BRSK2: variants seen among roughly 807,000 people sequenced by gnomAD.
BRSK2 encodes the protein serine/threonine-protein kinase BRSK2.
A neutral mutation model predicts 83.3 loss-of-function variants in BRSK2; 19 were observed. That is an observed-to-expected ratio of 0.23 (90% CI 0.16 to 0.33). BRSK2 has a LOEUF of 0.33. Ranked by LOEUF, BRSK2 falls within the 10% of genes least tolerant of loss-of-function variation. The pLI is 1.00. For synonymous variants in BRSK2, 519 were observed against 435.4 expected (o/e 1.19, Z -2.39); for missense variants, 798 against 1,042.3 (o/e 0.77, Z 3.23).
At chr11:1,391,928 CG>C (rs1405965884) in intron 1 of BRSK2, among the ~76,000 whole-genome samples, 5 of 152,046 alleles carry the variant, frequency 3.3e-5, no homozygotes, top group Non-Finnish European at 2.9e-5. Flanking sequence ...CAGTTAATTA[CG>C]GGAGGTTTCC....
intron 14 of BRSK2, 83 bp downstream of exon 14, chr11:1,450,877 G>C: frequency 3.0e-6 from 4 of 1,347,282 alleles, no homozygotes; most frequent in Non-Finnish European, 4.0e-6. Context: ...GGCAGTGCCA[G>C]ACCAGTCCGA....
chr11:1,424,829 G>A (rs1849019165), intron 1 of BRSK2, among the ~76,000 whole-genome samples: 1 of 150,622 alleles, frequency 6.6e-6, no homozygotes, highest in African/African-American at 2.4e-5. Context: ...TGGCGGGGGG[G>A]CAGGTTGCGG....
At chr11:1,392,437 G>T (rs12363925) in intron 1 of BRSK2, among the ~76,000 whole-genome samples, 9 of 152,230 alleles carry the variant, frequency 5.9e-5, no homozygotes, top group Non-Finnish European at 1.2e-4. Context: ...CGTGTCTGTG[G>T]CTGGCAGCTT....
At chr11:1,398,194 G>C (rs1423272091) in intron 1 of BRSK2, among the ~76,000 whole-genome samples, 1 of 152,206 alleles carries the variant, frequency 6.6e-6, no homozygotes, top group Non-Finnish European at 1.5e-5. Context: ...ATAGGGGCTG[G>C]GGGGCAGTGC....
chr11:1,390,293 G>A lies in BRSK2; in HGVS notation c.9G>A (p.Ser3=), dbSNP rs1444023684. The A allele has an allele frequency of 9.7e-7, 1 of 1,031,346 alleles. No individual in the cohort carries two copies. The highest frequency in any genetic ancestry group is 1.2e-6 in the Non-Finnish European group (1 of 850,908). The allele number at this position is 1,031,346 out of a possible 1,614,324, so 63.9% of individuals were successfully genotyped here. MT[S]TGKDGGAQHA... ...CGCCGGGCCCCAGAGCGATGACATC[G>A]ACGGGGAAGGACGGCGGCGCGCAGC... Residue 3 remains serine, a synonymous_variant, in exon 1 of 20, where the codon TCG becomes TCA. Coordinates refer to ENST00000528841, the MANE Select transcript of BRSK2 (RefSeq NM_001256627.2). The surrounding 1 kb of genome is among the most constrained non-coding windows in gnomAD (Gnocchi z 6.8).
chr11:1,395,203 A>G (rs1436708196), intron 1 of BRSK2, among the ~76,000 whole-genome samples: 1 of 152,078 alleles, frequency 6.6e-6, no homozygotes, highest in Non-Finnish European at 1.5e-5. Context: ...CTGGGGCTGG[A>G]CTGAACCCCT....
At chr11:1,410,874 A>AG in intron 1 of BRSK2, 1 of 985,256 alleles carries the variant, frequency 1.0e-6, no homozygotes, top group South Asian at 4.7e-5. Context: ...GCCACTTGGT[A>AG]GGAGGGCCTT....
intron 9 of BRSK2, 37 bp from the exon 10 acceptor site, chr11:1,445,257 G>A (rs375576305): frequency 3.4e-5 from 53 of 1,576,762 alleles, no homozygotes; most frequent in African/African-American, 3.0e-4. Flanking sequence ...AGGCCCGGCC[G>A]GAGCTGATGA....
intron 1 of BRSK2, among the ~76,000 whole-genome samples, chr11:1,396,193 C>T (rs533177269): frequency 9.0e-6 from 1 of 110,706 alleles, no homozygotes; most frequent in Admixed American, 9.3e-5. Flanking sequence ...TCTCTCTTCC[C>T]TTCCACCCAC....
chr11:1,459,389 C>G, intron 19 of BRSK2, 150 bp downstream of exon 19: 2 of 865,336 alleles, frequency 2.3e-6, no homozygotes, highest in South Asian at 3.0e-5. Flanking sequence ...CGGCCCCATC[C>G]TCTACCAGGA....
At chr11:1,399,757 G>A (rs1048557299) in intron 1 of BRSK2, among the ~76,000 whole-genome samples, 2 of 152,194 alleles carry the variant, frequency 1.3e-5, no homozygotes, top group African/African-American at 4.8e-5. Flanking sequence ...GGGAAGCAGT[G>A]AGTTCTGGGC....
rs568074059 is a variant in BRSK2, at chr11:1,449,757, T to C, written c.1227-19T>C. ...CTGCCCCCTGGCTGAGCAGTGGCCC[T>C]GTACCTTGTGACCTCCAGGTCTCGG... On this transcript the variant is annotated intron_variant, in intron 12 of 19. Transcript: ENST00000528841. The C allele has an allele frequency of 1.2e-6, 2 of 1,610,400 alleles. No homozygotes were observed. The highest frequency in any genetic ancestry group is 2.2e-5 in the East Asian group (1 of 44,754).
chr11:1,439,311 C>A (rs1329166235), intron 3 of BRSK2, among the ~76,000 whole-genome samples: 2 of 152,066 alleles, frequency 1.3e-5, no homozygotes, highest in African/African-American at 2.4e-5. Context: ...GTGCAGGTGG[C>A]CAGCTCGTGT....
rs116773823 is a variant in BRSK2 at position 1,397,378 on chromosome 11, C to T, written c.91+7003C>T. 6.1e-3 allele frequency among the ~76,000 whole-genome samples: 927 copies of T among 152,338 alleles called. 9 individuals are homozygous for T. Among genetic ancestry groups the T allele is most frequent in the African/African-American group, 0.017 (709 of 41,584 alleles). ...CTGCCAGGTCCAGGCCTTGTTCTAC[C>T]GCCTCTGAGGGGCCAGTGTTCTGGG... On this transcript the variant is annotated intron_variant, in intron 1 of 19. Transcript: ENST00000528841.
chr11:1,441,065 C>T (rs947387852), intron 4 of BRSK2, 137 bp downstream of exon 4: 18 of 716,738 alleles, frequency 2.5e-5, no homozygotes, highest in Middle Eastern at 8.1e-4. Flanking sequence ...CCATTAGCTG[C>T]CCCTCAAGTG....
intron 1 of BRSK2, among the ~76,000 whole-genome samples, chr11:1,409,242 G>T (rs535384645): frequency 1.3e-5 from 2 of 152,322 alleles, no homozygotes; most frequent in East Asian, 3.9e-4. Flanking sequence ...AGAGGCTGGG[G>T]CTGCAGACGG....
At position 1,443,520 on chromosome 11, in the gene BRSK2, G is replaced by A. The variant is rs1564852311; in HGVS notation, c.665G>A (p.Arg222Gln). 2 of 1,606,642 alleles carry A rather than the reference G, an allele frequency of 1.2e-6. No individual in the cohort carries two copies. The highest frequency in any genetic ancestry group is 8.5e-7 in the Non-Finnish European group (1 of 1,176,878). The change falls in exon 8 of 20, where the codon CGA becomes CAA. Residue 222 changes from arginine (R) to glutamine (Q), a missense_variant. Physicochemically the swap from Arg to Gln is conservative, Grantham distance 43. Around this residue, in one of 6 missense-constraint regions of BRSK2, gnomAD observed 145 missense variants for 225.4 expected, o/e 0.64. Transcript: ENST00000528841. ...CTGCCCTTCGACGATGACAACTTGC[G>A]ACAGCTGCTGGAGAAGGTGAAGCGG... ...GALPFDDDNL[R>Q]QLLEKVKRGV...
chr11:1,451,471 G>C (rs374434534), intron 15 of BRSK2, 52 bp downstream of exon 15: 6 of 1,590,858 alleles, frequency 3.8e-6, no homozygotes, highest in East Asian at 2.2e-5. Context: ...GGCTGGCCGG[G>C]AGAGGGGCAT....
intron 18 of BRSK2, 140 bp downstream of exon 18, chr11:1,456,827 G>C: frequency 7.5e-7 from 1 of 1,331,004 alleles, no homozygotes; most frequent in South Asian, 1.3e-5. Flanking sequence ...CCTGCCCCGA[G>C]CTGTGGCTGC....
Sources: allele counts gnomAD v4.1 joint callset (sites outside exome capture counted in the v4.1 genomes callset), GRCh38; gene constraint gnomAD v4.1.1; regional missense constraint gnomAD v4.1.1; non-coding constraint Gnocchi (gnomAD v3.1); transcripts MANE v1.5; gene names NCBI Gene and HGNC (gene_info 2026-07-23, HGNC 2026-07-21).